SPATA13: variants seen among roughly 807,000 people sequenced by gnomAD.
SPATA13 encodes spermatogenesis associated 13.
In SPATA13, 50 loss-of-function variants were observed where a neutral mutation model predicts 104.0. The observed-to-expected ratio is 0.48, with a 90% CI of 0.38 to 0.61. The LOEUF is 0.61. SPATA13 is among the 20% of genes least tolerant of loss of function. The pLI, the probability that SPATA13 is intolerant of heterozygous loss-of-function variation, is 0.00. For missense variants in SPATA13, 1,524 were observed against 1,690.6 expected (o/e 0.90, Z 1.73); for synonymous variants, 606 against 667.5 (o/e 0.91, Z 1.42).
intron 4 of SPATA13, among the ~76,000 whole-genome samples, chr13:24,276,671 T>C (rs8002750): frequency 0.13 from 19,110 of 152,242 alleles, 2,337 homozygotes; most frequent in African/African-American, 0.32. Context: ...ATTTACTTTT[T>C]AATTATTATA....
Position 24,297,482 on chromosome 13 carries a change from C to T in SPATA13, c.3330C>T (p.Ser1110=), listed in dbSNP as rs747762556. ...TFFLFDHQLV[S]CKKDLLRRDM... ...TCCTGTTTGACCACCAGCTGGTGTC[C>T]TGCAAGAAGGACCTGCTGCGCAGGG... The change falls in exon 11 of 13, where the codon TCC becomes TCT. Residue 1110 remains serine (S), a synonymous_variant. Transcript: ENST00000382108. The T allele has an allele frequency of 6.8e-6, 11 of 1,614,194 alleles. No homozygotes were observed. The highest frequency in any genetic ancestry group is 9.3e-6 in the Non-Finnish European group (11 of 1,180,030).
At chr13:23,998,366 T>A (rs1260118181) in intron 2 of SPATA13, among the ~76,000 whole-genome samples, 1 of 152,246 alleles carries the variant, frequency 6.6e-6, no homozygotes, top group Non-Finnish European at 1.5e-5. Context: ...TTTTCCATCT[T>A]TATCTTCTTT....
intron 4 of SPATA13, among the ~76,000 whole-genome samples, chr13:24,283,475 A>C (rs1875697861): frequency 6.6e-6 from 1 of 152,250 alleles, no homozygotes; most frequent in Non-Finnish European, 1.5e-5. Context: ...GCTCAGTGAC[A>C]GATTGTTGGC....
At chr13:24,257,295 A>C (rs549193449) in intron 4 of SPATA13, among the ~76,000 whole-genome samples, 1 of 152,334 alleles carries the variant, frequency 6.6e-6, no homozygotes, top group East Asian at 1.9e-4. Context: ...AACTTCACAG[A>C]GACAAGCAAA....
At position 24,091,645 on chromosome 13, in the gene SPATA13, T is replaced by C. The variant is rs571710486; in HGVS notation, c.-112+73944T>C. On this transcript the variant is annotated intron_variant, in intron 3 of 14. Transcript: ENST00000424834. ...GGCCAACATGGTGAAACCTCGTTTC[T>C]ACTAAAAATACACAAAGTAGCTAAG... Among the ~76,000 whole-genome samples, 3 of 152,318 alleles carry C rather than the reference T, an allele frequency of 2.0e-5. No individual in the cohort carries two copies. The South Asian group carries it at 6.2e-4, about 32-fold the overall frequency.
At chr13:24,300,686 G>T in intron 12 of SPATA13, 1 of 559,312 alleles carries the variant, frequency 1.8e-6, no homozygotes. Context: ...TTGGAATGTG[G>T]GCATAGGAAA....
chr13:24,165,583 C>A (rs1048160888), intron 1 of SPATA13, among the ~76,000 whole-genome samples: 5 of 152,122 alleles, frequency 3.3e-5, no homozygotes, highest in African/African-American at 1.2e-4. Flanking sequence ...TTGCACCCCC[C>A]ACCCACCCCA....
chr13:24,156,338 G>A (rs571351480), upstream of SPATA13, among the ~76,000 whole-genome samples: 6 of 152,190 alleles, frequency 3.9e-5, no homozygotes, highest in South Asian at 4.2e-4. Flanking sequence ...CTGCCCATTC[G>A]TATTCCCCCC....
At chr13:24,100,304 A>C (rs991072711) in intron 3 of SPATA13, among the ~76,000 whole-genome samples, 1 of 152,222 alleles carries the variant, frequency 6.6e-6, no homozygotes, top group Non-Finnish European at 1.5e-5. Context: ...CTGCTGGCTC[A>C]GAGGTACTGC....
At chr13:24,071,349 CTG>C (rs1378881907) in intron 3 of SPATA13, among the ~76,000 whole-genome samples, 10 of 152,156 alleles carry the variant, frequency 6.6e-5, no homozygotes, top group African/African-American at 2.2e-4. Flanking sequence ...CTTCAGGAAA[CTG>C]TGTTTAAGTG....
intron 3 of SPATA13, among the ~76,000 whole-genome samples, chr13:24,056,125 A>G (rs918383273): frequency 6.6e-6 from 1 of 152,200 alleles, no homozygotes; most frequent in Admixed American, 6.5e-5. Context: ...GATGAAGGGC[A>G]CCCCTCAGAA....
At chr13:24,234,854 T>C (rs1335571486) in intron 2 of SPATA13, among the ~76,000 whole-genome samples, 1 of 152,184 alleles carries the variant, frequency 6.6e-6, no homozygotes, top group African/African-American at 2.4e-5. Flanking sequence ...GTCAGGAAGC[T>C]GGATGGTGTA....
At chr13:24,091,073 T>C (rs964557337) in intron 3 of SPATA13, among the ~76,000 whole-genome samples, 2 of 152,230 alleles carry the variant, frequency 1.3e-5, no homozygotes, top group African/African-American at 4.8e-5. Flanking sequence ...CTTACATGCA[T>C]TGAACTGGTC....
intron 1 of SPATA13, among the ~76,000 whole-genome samples, chr13:24,182,511 C>A (rs78506514): frequency 0.014 from 1,873 of 129,178 alleles, 37 homozygotes; most frequent in African/African-American, 0.046. Flanking sequence ...AGAGAGAGAG[C>A]GCAGGAAAGA....
At chr13:24,231,832 A>G (rs1872294761) in intron 2 of SPATA13, among the ~76,000 whole-genome samples, 2 of 152,292 alleles carry the variant, frequency 1.3e-5, no homozygotes, top group East Asian at 1.9e-4. Flanking sequence ...TTTGGCTTTA[A>G]TTAGTATTTC....
intron 3 of SPATA13, among the ~76,000 whole-genome samples, chr13:24,103,795 A>G (rs1880346154): frequency 1.3e-5 from 2 of 152,238 alleles, no homozygotes; most frequent in Non-Finnish European, 2.9e-5. Flanking sequence ...AGAAGCCCAC[A>G]CTCAAGCATC....
chr13:24,125,286 G>A (rs1881172960), intron 3 of SPATA13, among the ~76,000 whole-genome samples: 1 of 152,204 alleles, frequency 6.6e-6, no homozygotes, highest in Non-Finnish European at 1.5e-5. Flanking sequence ...GCGGGAGAGG[G>A]AGGAGCCCCT....
intron 2 of SPATA13, among the ~76,000 whole-genome samples, chr13:23,988,460 A>G (rs1875256348): frequency 6.6e-6 from 1 of 152,208 alleles, no homozygotes; most frequent in Admixed American, 6.5e-5. Context: ...CCATGCTTCT[A>G]TGAATAACTG....
Position 24,024,438 on chromosome 13 carries a change from C to T in SPATA13, c.-112+6737C>T, listed in dbSNP as rs543407214. ...CTGCTGACTAAAGAAGAAGAAACAC[C>T]CCTCATTCTCTTGGGTTGTCTAGTG... is the stretch of plus-strand genomic sequence containing the variant. On this transcript the variant is annotated intron_variant, in intron 3 of 14. Transcript: ENST00000424834. Among the ~76,000 whole-genome samples, 3 of 150,242 alleles carry T rather than the reference C, an allele frequency of 2.0e-5. No homozygotes were observed. The East Asian group carries it at 5.9e-4, about 29-fold the overall frequency.
Sources: gnomAD v4.1 joint callset for allele counts (sites outside exome capture counted in the v4.1 genomes callset) on GRCh38, gnomAD v4.1.1 for gene constraint, MANE v1.5 for transcripts, NCBI Gene and HGNC (gene_info 2026-07-23, HGNC 2026-07-21) for gene names.